The following COL4A4 variants were observed in gnomAD, a reference collection of about 807,000 sequenced individuals.
The protein encoded by COL4A4 is collagen alpha-4(IV) chain.
A neutral mutation model predicts 192.9 loss-of-function variants in COL4A4; 105 were observed. The observed-to-expected ratio is 0.54, with a 90% CI of 0.46 to 0.64. The LOEUF is 0.64. Among genes scored for constraint, COL4A4 ranks in the 30% least tolerant of loss-of-function variants. COL4A4 has a pLI of 0.00. For synonymous variants in COL4A4, 762 were observed against 769.9 expected (o/e 0.99, Z 0.17); for missense variants, 1,967 against 2,169.3 (o/e 0.91, Z 1.85).
Position 227,007,318 on chromosome 2 carries a change from G to A in COL4A4, c.*7C>T, listed in dbSNP as rs1055456871. The A allele has an allele frequency of 5.0e-6, 8 of 1,614,218 alleles. No homozygotes were observed. Among genetic ancestry groups the A allele is most frequent in the Admixed American group, 3.3e-5 (2 of 60,020 alleles). On this transcript the variant is annotated 3_prime_UTR_variant, in exon 48 of 48. Transcript: ENST00000396625. ...TCTTGGCCACGTGTTGGTGAATTTC[G>A]CATTCTCTAGCTATACTTCACGCAG...
At chr2:227,114,847 T>C in intron 7 of COL4A4, 151 bp from the exon 8 acceptor site, 1 of 698,574 alleles carries the variant, frequency 1.4e-6, no homozygotes, top group East Asian at 2.7e-5. Flanking sequence ...TCCATATTAT[T>C]ATCACCCTAA....
chr2:227,064,327 C>T (rs948371339), intron 25 of COL4A4, among the ~76,000 whole-genome samples: 1 of 152,014 alleles, frequency 6.6e-6, no homozygotes, highest in Non-Finnish European at 1.5e-5. Flanking sequence ...AGCTCAAAGA[C>T]AAGGCTTTTG....
At chr2:227,110,187 C>CG (rs1347915863) in intron 9 of COL4A4, among the ~76,000 whole-genome samples, 1 of 152,090 alleles carries the variant, frequency 6.6e-6, no homozygotes, top group African/African-American at 2.4e-5. Context: ...GTTCCCCGGG[C>CG]TCCTGCTGAC....
intron 25 of COL4A4, among the ~76,000 whole-genome samples, chr2:227,073,381 T>C (rs2058831300): frequency 6.6e-6 from 1 of 152,050 alleles, no homozygotes; most frequent in Non-Finnish European, 1.5e-5. Context: ...TACAAAACAC[T>C]GTTGAAAGAA....
chr2:227,039,669 A>G (rs1192752478), intron 37 of COL4A4, among the ~76,000 whole-genome samples: 2 of 152,082 alleles, frequency 1.3e-5, no homozygotes, highest in African/African-American at 4.8e-5. Context: ...GGAGGGTAGG[A>G]AAAAGTGGGA....
chr2:227,114,805 A>ATGAT (rs1456212984), intron 7 of COL4A4, 109 bp from the exon 8 acceptor site: 1 of 883,534 alleles, frequency 1.1e-6, no homozygotes, highest in African/African-American at 1.7e-5. Context: ...CATTATTGAC[A>ATGAT]TGATTAACAA....
At chr2:227,060,101 G>GAACAAA in intron 27 of COL4A4, 35 bp downstream of exon 27, 1 of 503,760 alleles carries the variant, frequency 2.0e-6, no homozygotes, top group Non-Finnish European at 3.1e-6. Flanking sequence ...TCCCAAAGCA[G>GAACAAA]AAAAAAAAAA....
At chr2:227,107,185 G>T (rs2060896568) in intron 12 of COL4A4, among the ~76,000 whole-genome samples, 2 of 152,178 alleles carry the variant, frequency 1.3e-5, no homozygotes, top group African/African-American at 2.4e-5. Flanking sequence ...AAGGTTGGGG[G>T]AAGGGGAAAG....
In COL4A4 at chr2:227,103,405, A is replaced by G. The variant is rs191371491; in HGVS notation, c.817-208T>C. Among the ~76,000 whole-genome samples the G allele has an allele frequency of 2.4e-4, 37 of 152,320 alleles. 1 individual carries two copies. Among genetic ancestry groups the G allele is most frequent in the Admixed American group, 2.1e-3 (32 of 15,302 alleles). ...CTATGTGAGAGGTATATGGGATACC[A>G]CAGTGGACCACGGAACCAGGCAGCA... On this transcript the variant is annotated intron_variant, in intron 13 of 47. Transcript: ENST00000396625.
intron 22 of COL4A4, among the ~76,000 whole-genome samples, chr2:227,084,402 G>A (rs2059477657): frequency 6.6e-6 from 1 of 152,154 alleles, no homozygotes; most frequent in Admixed American, 6.5e-5. Flanking sequence ...CCAGGAGTCT[G>A]AGCAGTGTAT....
chr2:227,145,279 C>T (rs577019974), intron 2 of COL4A4, among the ~76,000 whole-genome samples: 4 of 152,230 alleles, frequency 2.6e-5, no homozygotes, highest in East Asian at 3.9e-4. Context: ...GAAACCCCAT[C>T]TCTACTAAAA....
At chr2:227,069,860 T>G (rs1363655784) in intron 25 of COL4A4, among the ~76,000 whole-genome samples, 4 of 151,116 alleles carry the variant, frequency 2.6e-5, no homozygotes, top group East Asian at 1.9e-4. Flanking sequence ...AAAGACAAAA[T>G]TGACAAATGG....
intron 24 of COL4A4, among the ~76,000 whole-genome samples, chr2:227,078,431 CTG>C (rs1181316906): frequency 6.6e-6 from 1 of 152,036 alleles, no homozygotes; most frequent in East Asian, 1.9e-4. Flanking sequence ...TTAGTAGAGA[CTG>C]AGTTTCGCCA....
intron 37 of COL4A4, among the ~76,000 whole-genome samples, chr2:227,039,558 A>G (rs1970371330): frequency 6.6e-6 from 1 of 152,236 alleles, no homozygotes; most frequent in African/African-American, 2.4e-5. Context: ...CAACAGTGGC[A>G]TGAGCCCTGC....
In COL4A4 at chr2:227,114,697, C is replaced by G; in HGVS notation, c.490-1G>C. On this transcript the variant is annotated splice_acceptor_variant, in intron 7 of 47. Coordinates refer to ENST00000396625, the MANE Select transcript of COL4A4 (RefSeq NM_000092.5). LOFTEE classifies it high-confidence loss of function. ...TTTCTCCCTTTTCCCCAGGATGGCC[C>G]TGAAAATAAAATATGTATGTACTTA... 1 of 1,612,688 alleles carries G rather than the reference C, an allele frequency of 6.2e-7. No individual in the cohort carries two copies. Among genetic ancestry groups the G allele is most frequent in the South Asian group, 1.1e-5 (1 of 91,032 alleles).
At chr2:227,051,809 A>G (rs989844619) in intron 32 of COL4A4, among the ~76,000 whole-genome samples, 2 of 152,188 alleles carry the variant, frequency 1.3e-5, no homozygotes, top group Non-Finnish European at 1.5e-5. Context: ...GAATATCCAA[A>G]TCTAGGAGTA....
At chr2:226,999,169 G>A (rs1410066347), downstream of COL4A4, 1 of 152,210 alleles carries the variant, frequency 6.6e-6, no homozygotes, top group Non-Finnish European at 1.5e-5. Flanking sequence ...TACGTTGTCT[G>A]GAATGTCAGA....
At position 227,026,403 on chromosome 2, in the gene COL4A4, C is replaced by T. The variant is rs180954223; in HGVS notation, c.4082-593G>A. ...GTCCCAGCTACTCCGGAGGCTGAGG[C>T]AGGAGAACGGGCGTGAACCCGGGAG... On this transcript the variant is annotated intron_variant, in intron 42 of 47. Coordinates refer to ENST00000396625, the MANE Select transcript of COL4A4 (RefSeq NM_000092.5). 2.0e-5 allele frequency among the ~76,000 whole-genome samples: 3 copies of T among 151,220 alleles called. No individual in the cohort carries two copies. The East Asian group carries it at 5.9e-4, about 30-fold the overall frequency.
At chr2:227,048,054 G>T (rs980631322) in intron 34 of COL4A4, among the ~76,000 whole-genome samples, 1 of 152,092 alleles carries the variant, frequency 6.6e-6, no homozygotes, top group Non-Finnish European at 1.5e-5. Context: ...GCCACTGTAG[G>T]CCATGACTCC....
Sources: allele counts gnomAD v4.1 joint callset (sites outside exome capture counted in the v4.1 genomes callset), GRCh38; gene constraint gnomAD v4.1.1; transcripts MANE v1.5; gene names NCBI Gene and HGNC (gene_info 2026-07-23, HGNC 2026-07-21).